RNF38: variants seen among roughly 807,000 people sequenced by gnomAD.
The protein encoded by RNF38 is ring finger protein 38.
In RNF38, 15 loss-of-function variants were observed where a neutral mutation model predicts 67.2. That is an observed-to-expected ratio of 0.22 (90% CI 0.15 to 0.34). The LOEUF (loss-of-function observed/expected upper bound fraction) is 0.34. Among genes scored for constraint, RNF38 ranks in the 10% least tolerant of loss-of-function variants. The pLI, the probability that RNF38 is intolerant of heterozygous loss-of-function variation, is 1.00. For synonymous variants in RNF38, 220 were observed against 218.8 expected, an observed-to-expected ratio of 1.01 and a Z score of -0.05; for missense variants, 524 against 639.9, an observed-to-expected ratio of 0.82 and a Z score of 1.95.
At position 36,339,246 on chromosome 9, in the gene RNF38, G is replaced by GTA. The variant is rs1736072283; in HGVS notation, c.*504_*505dup. ...ACACACACATTCTTGGTACATGCTG[G>GTA]TATATAGGATCTCATACACACGTTA... On this transcript the variant is annotated 3_prime_UTR_variant, in exon 12 of 12. Transcript: ENST00000259605. The GTA allele has an allele frequency of 6.3e-6, 1 of 157,664 alleles. No homozygotes were observed. Among genetic ancestry groups the GTA allele is most frequent in the Non-Finnish European group, 1.4e-5 (1 of 70,766 alleles). 9.8% of individuals were successfully genotyped at this position (157,664 alleles called of 1,614,324 possible).
At chr9:36,402,494 TAA>T (rs10560364), upstream of RNF38, among the ~76,000 whole-genome samples, 2,960 of 142,892 alleles carry the variant, frequency 0.021, 58 homozygotes, top group African/African-American at 0.061. Context: ...AATCTAAGCT[TAA>T]AAAAAAAAAA....
At chr9:36,396,453 G>A (rs1837517920) in intron 1 of RNF38, among the ~76,000 whole-genome samples, 1 of 151,746 alleles carries the variant, frequency 6.6e-6, no homozygotes, top group African/African-American at 2.4e-5. Context: ...AGACCTAAAT[G>A]TCACCTTTCC....
At chr9:36,465,946 G>A (rs1337668451) in intron 1 of RNF38, among the ~76,000 whole-genome samples, 2 of 152,162 alleles carry the variant, frequency 1.3e-5, no homozygotes, top group Admixed American at 1.3e-4. Context: ...CAGCTACTCA[G>A]GAGGCTGAGG....
intron 1 of RNF38, chr9:36,487,225 G>A (rs1462632483): frequency 3.6e-5 from 31 of 861,712 alleles, no homozygotes; most frequent in Non-Finnish European, 4.0e-5. Flanking sequence ...GCGGGGCCGG[G>A]CGCCTGGACC....
chr9:36,364,814 T>A (rs1834821786), intron 4 of RNF38, among the ~76,000 whole-genome samples: 1 of 152,238 alleles, frequency 6.6e-6, no homozygotes, highest in South Asian at 2.1e-4. Context: ...GTAAGTCTAG[T>A]GTACAGTCTG....
chr9:36,398,125 T>G (rs1006449960), intron 1 of RNF38, among the ~76,000 whole-genome samples: 1 of 152,348 alleles, frequency 6.6e-6, no homozygotes, highest in African/African-American at 2.4e-5. Context: ...TGCTGGATGC[T>G]GTGACTACAA....
intron 2 of RNF38, among the ~76,000 whole-genome samples, chr9:36,419,456 C>T (rs1838561461): frequency 6.6e-6 from 1 of 152,138 alleles, no homozygotes; most frequent in African/African-American, 2.4e-5. Context: ...TCTCAAATGG[C>T]CATCCTCCTG....
intron 1 of RNF38, among the ~76,000 whole-genome samples, chr9:36,469,469 G>A (rs1336154017): frequency 6.6e-6 from 1 of 151,946 alleles, no homozygotes; most frequent in Non-Finnish European, 1.5e-5. Context: ...AGACCAGCCT[G>A]ACCAACATGG....
intron 1 of RNF38, among the ~76,000 whole-genome samples, chr9:36,448,328 A>G (rs1839355628): frequency 6.6e-6 from 1 of 152,244 alleles, no homozygotes. Context: ...TGTATGTTCT[A>G]GCTGACTTAA....
chr9:36,471,655 C>T (rs144631517), intron 1 of RNF38, among the ~76,000 whole-genome samples: 156 of 152,292 alleles, frequency 1.0e-3, no homozygotes, highest in African/African-American at 3.3e-3. Context: ...CAAAACTCAC[C>T]CTGTCAATTA....
At chr9:36,370,888 G>A (rs896603288) in intron 3 of RNF38, among the ~76,000 whole-genome samples, 1 of 151,852 alleles carries the variant, frequency 6.6e-6, no homozygotes, top group Non-Finnish European at 1.5e-5. Flanking sequence ...CAGCCTGGGC[G>A]ACAGAGTGAG....
intron 2 of RNF38, among the ~76,000 whole-genome samples, chr9:36,410,870 G>C (rs1838305034): frequency 6.6e-6 from 1 of 152,096 alleles, no homozygotes; most frequent in African/African-American, 2.4e-5. Flanking sequence ...GTTTCCCAGG[G>C]GCTGGAGGAG....
chr9:36,355,921 G>A (rs1391986446), intron 6 of RNF38, among the ~76,000 whole-genome samples: 6 of 152,004 alleles, frequency 3.9e-5, no homozygotes, highest in Admixed American at 1.3e-4. Flanking sequence ...ATCTTGGCTC[G>A]CTGCAACCTC....
At chr9:36,386,559 G>C (rs751397199) in intron 2 of RNF38, among the ~76,000 whole-genome samples, 1 of 152,142 alleles carries the variant, frequency 6.6e-6, no homozygotes, top group Non-Finnish European at 1.5e-5. Context: ...GGTAAAATAA[G>C]ACTGAGACCT....
At chr9:36,416,888 G>T (rs1017352714) in intron 2 of RNF38, among the ~76,000 whole-genome samples, 2 of 151,448 alleles carry the variant, frequency 1.3e-5, no homozygotes, top group Non-Finnish European at 2.9e-5. Flanking sequence ...AAGTAGCTGG[G>T]ATTACAGGCA....
chr9:36,413,964 C>T (rs1273029909), intron 2 of RNF38, among the ~76,000 whole-genome samples: 1 of 152,136 alleles, frequency 6.6e-6, no homozygotes, highest in African/African-American at 2.4e-5. Flanking sequence ...TGGACCAGTC[C>T]TTTTATCATT....
upstream of RNF38, among the ~76,000 whole-genome samples, chr9:36,401,508 C>G (rs1326857638): frequency 6.6e-6 from 1 of 152,184 alleles, no homozygotes; most frequent in Admixed American, 6.5e-5. Flanking sequence ...ACAAAGGTGT[C>G]TCTCAATGCA....
At chr9:36,458,672 C>T (rs531724688) in intron 1 of RNF38, among the ~76,000 whole-genome samples, 2 of 151,984 alleles carry the variant, frequency 1.3e-5, no homozygotes, top group Non-Finnish European at 1.5e-5. Context: ...CACATCTGAA[C>T]ATCTGGAGGA....
chr9:36,400,201 G>GA lies in RNF38; in HGVS notation c.-94dup. The GA allele has an allele frequency of 1.3e-6, 2 of 1,535,966 alleles. No individual in the cohort carries two copies. The highest frequency in any genetic ancestry group is 2.4e-5 in the South Asian group (2 of 81,910). The stretch of plus-strand genomic sequence containing the variant: ...CCAACCTCTCTCACGCTTCAACCCT[G>GA]AAAGGAAGAACTTGCATCCCCTGAG... On this transcript the variant is annotated 5_prime_UTR_variant, in exon 1 of 12. It introduces an in-frame stop codon into an upstream open reading frame of the 5' UTR. Transcript: ENST00000259605.
Sources: gnomAD v4.1 joint callset for allele counts (sites outside exome capture counted in the v4.1 genomes callset) on GRCh38, gnomAD v4.1.1 for gene constraint, MANE v1.5 for transcripts, NCBI Gene and HGNC (gene_info 2026-07-23, HGNC 2026-07-21) for gene names.